The following HENMT1 variants were observed in gnomAD, a reference collection of about 807,000 sequenced individuals.
HENMT1 encodes small RNA 2'-O-methyltransferase.
HENMT1 carries 27 observed loss-of-function variants against 31.1 expected under a neutral mutation model. That is an observed-to-expected ratio of 0.87 (90% confidence interval 0.64 to 1.20). The LOEUF (loss-of-function observed/expected upper bound fraction) is 1.20, where lower values mean the gene tolerates loss of function less well. Ranked by LOEUF, HENMT1 falls within the 50% of genes most tolerant of loss-of-function variation. The pLI is 0.00. For synonymous variants in HENMT1, 167 were observed against 172.2 expected (o/e 0.97, Z 0.24); for missense variants, 438 against 469.6 (o/e 0.93, Z 0.62).
chr1:108,657,874 T>A (rs1272800774), intron 2 of HENMT1, among the ~76,000 whole-genome samples: 1 of 151,886 alleles, frequency 6.6e-6, no homozygotes, highest in Non-Finnish European at 1.5e-5. Context: ...ATTAGATGAC[T>A]CCTAACCATA....
upstream of HENMT1, chr1:108,661,172 G>A (rs553161554): frequency 1.1e-5 from 2 of 181,208 alleles, no homozygotes; most frequent in South Asian, 3.7e-4. Flanking sequence ...CCTCCCCGCG[G>A]GGCTCGCCAA....
chr1:108,650,300 A>G lies in HENMT1; in HGVS notation c.667T>C (p.Cys223Arg), dbSNP rs1427585884. Residue 223 changes from cysteine to arginine, a missense_variant, in exon 7 of 8, where the codon TGT (cysteine) becomes CGT (arginine). Cys to Arg is a radical substitution (Grantham distance 180, BLOSUM62 -3). Coordinates refer to ENST00000651461, the MANE Select transcript of HENMT1 (RefSeq NM_001102592.2). Reference protein sequence around the residue: ...PPAGAENVGYCTQIGIFRKNG... With the variant: ...PPAGAENVGYRTQIGIFRKNG... The stretch of plus-strand genomic sequence containing the variant: ...TTCCGGAAGATTCCTATCTGGGTAC[A>G]GTATCCAACATTCTCAGCTCCAGCT... The G allele has an allele frequency of 1.2e-6, 2 of 1,614,128 alleles. No homozygotes were observed. The highest frequency in any genetic ancestry group is 1.1e-5 in the South Asian group (1 of 91,082).
intron 3 of HENMT1, 46 bp downstream of exon 3, chr1:108,657,405 G>A: frequency 1.4e-6 from 2 of 1,406,474 alleles, no homozygotes; most frequent in Non-Finnish European, 2.0e-6. Flanking sequence ...CATATGACTA[G>A]TCTACTAGTC....
chr1:108,655,145 GTTC>G (rs1247064936), intron 4 of HENMT1, among the ~76,000 whole-genome samples: 1 of 152,052 alleles, frequency 6.6e-6, no homozygotes, highest in Non-Finnish European at 1.5e-5. Context: ...TGAGATTTTT[GTTC>G]TTTAGAAAAA....
upstream of HENMT1, chr1:108,661,135 A>T (rs972696931): frequency 2.3e-5 from 9 of 388,954 alleles, no homozygotes; most frequent in African/African-American, 2.0e-4. Flanking sequence ...CGCCGCGGCT[A>T]CGCCGGCGCC....
intron 1 of HENMT1, among the ~76,000 whole-genome samples, chr1:108,660,699 C>A (rs1658430467): frequency 6.6e-6 from 1 of 151,826 alleles, no homozygotes; most frequent in South Asian, 2.1e-4. Context: ...CCGAGGCGGG[C>A]GGATCACGAG....
chr1:108,649,418 T>G, intron 7 of HENMT1: 1 of 456,312 alleles, frequency 2.2e-6, no homozygotes, highest in Non-Finnish European at 4.4e-6. Context: ...CTGGGCAACA[T>G]AGTGAGACCC....
intron 5 of HENMT1, 37 bp downstream of exon 5, chr1:108,654,679 A>G (rs200452175): frequency 2.7e-5 from 43 of 1,596,504 alleles, no homozygotes; most frequent in Admixed American, 5.1e-5. Flanking sequence ...AGGCTTTTCA[A>G]ATGAACAGTT....
intron 1 of HENMT1, among the ~76,000 whole-genome samples, chr1:108,660,454 C>G (rs1476986750): frequency 6.6e-6 from 1 of 152,062 alleles, no homozygotes; most frequent in Admixed American, 6.5e-5. Context: ...TTCCACACAT[C>G]GTCAAAATGA....
chr1:108,648,698 G>C lies in HENMT1; in HGVS notation c.1050C>G (p.Pro350=), dbSNP rs751454065. The change falls in exon 8 of 8, where the codon CCC becomes CCG. Residue 350 remains proline, a synonymous_variant. Coordinates refer to ENST00000651461, the MANE Select transcript of HENMT1 (RefSeq NM_001102592.2). ...CATTAGCACATAAGCGGTTCAACTTGGGATACGCAAGGAGTCTCTGCAGAG... is the reference window on the plus strand; with the variant it reads ...CATTAGCACATAAGCGGTTCAACTTCGGATACGCAAGGAGTCTCTGCAGAG... ...FVPLQRLLAY[P]KLNRLCANEE... is the part of the protein sequence containing the mutation. 15 of 1,614,054 alleles carry C rather than the reference G, an allele frequency of 9.3e-6. No individual in the cohort carries two copies. The South Asian group carries it at 1.6e-4, about 18-fold the overall frequency.
At chr1:108,650,157 TCA>T (rs1448420027) in intron 7 of HENMT1, 52 bp downstream of exon 7, 5 of 1,549,404 alleles carry the variant, frequency 3.2e-6, no homozygotes, top group South Asian at 2.2e-5. Flanking sequence ...CCAAAAAAGT[TCA>T]CCATCCTAAT....
intron 7 of HENMT1, 22 bp from the exon 8 acceptor site, chr1:108,649,013 C>T: frequency 6.5e-7 from 1 of 1,536,708 alleles, no homozygotes; most frequent in South Asian, 1.3e-5. Context: ...AAACAAAACA[C>T]TTACAAGTGT....
At chr1:108,655,780 A>G in intron 3 of HENMT1, 82 bp from the exon 4 acceptor site, 1 of 731,436 alleles carries the variant, frequency 1.4e-6, no homozygotes, top group East Asian at 2.7e-5. Context: ...AGGAGGAGAG[A>G]GTGGAGTATA....
In HENMT1 at chr1:108,650,341, C is replaced by T; in HGVS notation, c.626G>A (p.Gly209Asp). 6.2e-7 allele frequency: 1 copy of T among 1,614,148 alleles called. No homozygotes were observed. The highest frequency in any genetic ancestry group is 1.1e-5 in the South Asian group (1 of 91,086). The change falls in exon 7 of 8, where the codon GGT becomes GAT. Residue 209 changes from glycine (G) to aspartate (D), a missense_variant. By Grantham distance (94) the Gly-to-Asp change is moderately conservative. Coordinates refer to ENST00000651461, the MANE Select transcript of HENMT1 (RefSeq NM_001102592.2). ...NRYDYSVEFT[G>D]VGEPPAGAEN... is the part of the protein sequence containing the mutation. ...AGCTCCAGCTGGTGGTTCCCCGACA[C>T]CAGTAAACTCCACAGAGTAATCATA...
At chr1:108,649,445 AAAAC>A (rs1450492286) in intron 7 of HENMT1, 18 of 442,112 alleles carry the variant, frequency 4.1e-5, no homozygotes, top group South Asian at 2.9e-4. Context: ...TACGGAAAAA[AAAAC>A]AAAAAACAAA....
At chr1:108,650,498 T>C in intron 6 of HENMT1, 110 bp from the exon 7 acceptor site, 3 of 919,112 alleles carry the variant, frequency 3.3e-6, no homozygotes, top group Non-Finnish European at 4.9e-6. Flanking sequence ...ACAATGAACA[T>C]AAATACTTCT....
intron 5 of HENMT1, 47 bp downstream of exon 5, chr1:108,654,669 A>G (rs749446623): frequency 7.0e-6 from 11 of 1,581,452 alleles, no homozygotes; most frequent in East Asian, 6.7e-5. Context: ...AGACTTATTC[A>G]GGCTTTTCAA....
At chr1:108,659,771 T>C in intron 2 of HENMT1, 93 bp downstream of exon 2, 1 of 810,810 alleles carries the variant, frequency 1.2e-6, no homozygotes, top group Admixed American at 2.3e-5. Context: ...TGCTAGGACC[T>C]AAATGTGATC....
At chr1:108,653,434 T>A (rs115553122) in intron 5 of HENMT1, among the ~76,000 whole-genome samples, 1,795 of 152,322 alleles carry the variant, frequency 0.012, 34 homozygotes, top group African/African-American at 0.041. Flanking sequence ...ATATAACTGA[T>A]TTCTTTCCTT....
Sources: allele counts gnomAD v4.1 joint callset (sites outside exome capture counted in the v4.1 genomes callset), GRCh38; gene constraint gnomAD v4.1.1; transcripts MANE v1.5; gene names NCBI Gene and HGNC (gene_info 2026-07-23, HGNC 2026-07-21).